STAC: variants seen among roughly 807,000 people sequenced by gnomAD.
STAC encodes the protein SH3 and cysteine-rich domain-containing protein.
STAC carries 43 observed loss-of-function variants against 48.8 expected under a neutral mutation model. The observed-to-expected ratio is 0.88, with a 90% CI of 0.69 to 1.14. The LOEUF is 1.14. STAC is among the 50% of genes most tolerant of loss of function. The pLI is 0.00. For synonymous variants in STAC, 193 were observed against 179.5 expected (o/e 1.07, Z -0.60); for missense variants, 497 against 504.0 (o/e 0.99, Z 0.13).
At chr3:36,466,039 A>G (rs1224821461) in intron 2 of STAC, among the ~76,000 whole-genome samples, 1 of 152,162 alleles carries the variant, frequency 6.6e-6, no homozygotes, top group Admixed American at 6.5e-5. Context: ...CAGGTCTTAG[A>G]TTTAAATATT....
chr3:36,486,105 C>A, intron 4 of STAC, 29 bp from the exon 5 acceptor site: 1 of 1,580,604 alleles, frequency 6.3e-7, no homozygotes, highest in Non-Finnish European at 8.7e-7. Context: ...AGATGAGCTT[C>A]CTCAGATGAA....
chr3:36,496,615 A>G (rs1360001892), intron 6 of STAC, among the ~76,000 whole-genome samples: 2 of 152,228 alleles, frequency 1.3e-5, no homozygotes, highest in East Asian at 1.9e-4. Flanking sequence ...TCTCTTATAA[A>G]TGATCCTTGG....
chr3:36,453,340 T>C (rs1238553729), intron 2 of STAC, among the ~76,000 whole-genome samples: 1 of 152,076 alleles, frequency 6.6e-6, no homozygotes, highest in Non-Finnish European at 1.5e-5. Flanking sequence ...CGGCGAGGTG[T>C]GGAGGGAGAG....
intron 1 of STAC, among the ~76,000 whole-genome samples, chr3:36,423,366 AT>A: frequency 6.6e-6 from 1 of 151,970 alleles, no homozygotes; most frequent in Non-Finnish European, 1.5e-5. Flanking sequence ...CCTTAAGAAA[AT>A]GGAATAATTA....
At chr3:36,410,025 A>G (rs1472002732) in intron 1 of STAC, among the ~76,000 whole-genome samples, 1 of 152,114 alleles carries the variant, frequency 6.6e-6, no homozygotes, top group Non-Finnish European at 1.5e-5. Flanking sequence ...AGAGAAAGTG[A>G]TTTGCTGAAT....
intron 8 of STAC, among the ~76,000 whole-genome samples, chr3:36,518,627 A>T (rs1455135092): frequency 6.6e-6 from 1 of 152,206 alleles, no homozygotes; most frequent in Non-Finnish European, 1.5e-5. Context: ...TCCTGGAAGC[A>T]GCAAGTCTCA....
intron 1 of STAC, among the ~76,000 whole-genome samples, chr3:36,400,627 A>G (rs1220431643): frequency 6.6e-6 from 1 of 152,160 alleles, no homozygotes; most frequent in Non-Finnish European, 1.5e-5. Flanking sequence ...TGAAACACAG[A>G]TTATTGGACT....
chr3:36,463,707 TC>T (rs574984109), intron 2 of STAC, among the ~76,000 whole-genome samples: 148 of 124,630 alleles, frequency 1.2e-3, no homozygotes, highest in Non-Finnish European at 1.9e-3. Context: ...ATGTTCCCCT[TC>T]CTGTGTCCAT....
In STAC at chr3:36,486,172, C is replaced by T. The variant is rs557489939; in HGVS notation, c.610C>T (p.Arg204Cys). Residue 204 changes from arginine (R) to cysteine (C), a missense_variant, in exon 5 of 11, where the codon CGC (arginine) becomes TGC (cysteine). Physicochemically the swap from Arg to Cys is radical, Grantham distance 180. Transcript: ENST00000273183. ...NKVDPVYETLRFGTSLAQRTK... is the reference protein window; with the variant it reads ...NKVDPVYETLCFGTSLAQRTK... ...GGTGGACCCTGTCTACGAGACCCTC[C>T]GCTTCGGCACCTCCCTGGCCCAGAG... 61 of 1,613,850 alleles carry T rather than the reference C, an allele frequency of 3.8e-5. No individual in the cohort carries two copies. The highest frequency in any genetic ancestry group is 1.4e-4 in the South Asian group (13 of 91,034).
At chr3:36,515,319 A>T (rs1393103055) in intron 8 of STAC, among the ~76,000 whole-genome samples, 3 of 152,158 alleles carry the variant, frequency 2.0e-5, no homozygotes, top group Non-Finnish European at 4.4e-5. Flanking sequence ...AGAGAGTATA[A>T]ACCATAAACT....
In STAC at chr3:36,547,590, GTTTGA is replaced by G. The variant is rs1427734362; in HGVS notation, c.*1305_*1309del. 6.6e-6 allele frequency: 1 copy of G among 152,620 alleles called. No individual in the cohort carries two copies. The highest frequency in any genetic ancestry group is 1.5e-5 in the Non-Finnish European group (1 of 68,046). The allele number at this position is 152,620 out of a possible 1,614,324, so 9.5% of individuals were successfully genotyped here. ...CACAATCACCTTGGAATCAATGTCA[GTTTGA>G]TTTATTTTGTTACAGAGCAATAAAA... On this transcript the variant is annotated 3_prime_UTR_variant, in exon 11 of 11. Transcript: ENST00000273183.
chr3:36,486,346 T>A (rs1022612420), intron 5 of STAC, 97 bp downstream of exon 5: 5 of 1,066,306 alleles, frequency 4.7e-6, no homozygotes, highest in Admixed American at 2.3e-5. Context: ...GACTGCCTCA[T>A]GAGGGCAGGT....
chr3:36,435,165 A>G (rs577903104), intron 1 of STAC, among the ~76,000 whole-genome samples: 2 of 151,814 alleles, frequency 1.3e-5, no homozygotes, highest in African/African-American at 2.4e-5. Flanking sequence ...ACGGTACATT[A>G]CTCTAGTCCA....
At chr3:36,537,911 G>T (rs536361988) in intron 10 of STAC, among the ~76,000 whole-genome samples, 1 of 151,366 alleles carries the variant, frequency 6.6e-6, no homozygotes, top group South Asian at 2.1e-4. Flanking sequence ...TGCACCTATA[G>T]AACCATTTTC....
chr3:36,483,015 C>A lies in STAC; in HGVS notation c.412C>A (p.Arg138Ser), dbSNP rs768923739. 1.9e-6 allele frequency: 3 copies of A among 1,614,018 alleles called. No homozygotes were observed. Among genetic ancestry groups the A allele is most frequent in the Non-Finnish European group, 2.5e-6 (3 of 1,179,886 alleles). Reference protein sequence around the residue: ...IVGTNAKHGLRCKACKMSIHH... With the variant: ...IVGTNAKHGLSCKACKMSIHH... ...AGGAACAAATGCTAAGCATGGACTG[C>A]GCTGCAAAGCCTGTAAGATGAGCAT... is the stretch of plus-strand genomic sequence containing the variant. The change falls in exon 3 of 11, where the codon CGC becomes AGC. Residue 138 changes from arginine (R) to serine (S), a missense_variant. By Grantham distance (110) the Arg-to-Ser change is moderately radical (BLOSUM62 -1). Transcript: ENST00000273183.
At chr3:36,434,898 C>T (rs890715180) in intron 1 of STAC, among the ~76,000 whole-genome samples, 5 of 152,172 alleles carry the variant, frequency 3.3e-5, no homozygotes, top group Non-Finnish European at 7.3e-5. Context: ...TGGATTATTG[C>T]TGAAATTCCA....
At chr3:36,389,961 C>G (rs1699713208) in intron 1 of STAC, among the ~76,000 whole-genome samples, 1 of 124,946 alleles carries the variant, frequency 8.0e-6, no homozygotes, top group South Asian at 2.6e-4. Flanking sequence ...CTATAATTCT[C>G]TTTCATTTGG....
chr3:36,384,413 C>T (rs543166477), intron 1 of STAC, among the ~76,000 whole-genome samples: 3 of 152,244 alleles, frequency 2.0e-5, no homozygotes, highest in African/African-American at 7.2e-5. Context: ...GCTGCTACTA[C>T]CCAATTGGTG....
At chr3:36,421,596 C>T (rs1478819709) in intron 1 of STAC, among the ~76,000 whole-genome samples, 2 of 152,122 alleles carry the variant, frequency 1.3e-5, no homozygotes, top group Non-Finnish European at 2.9e-5. Context: ...TCATTTAACC[C>T]AGAAGCTCTC....
Sources: gnomAD v4.1 joint callset for allele counts (sites outside exome capture counted in the v4.1 genomes callset) on GRCh38, gnomAD v4.1.1 for gene constraint, MANE v1.5 for transcripts, NCBI Gene and HGNC (gene_info 2026-07-23, HGNC 2026-07-21) for gene names.